PPARA: variants seen among roughly 807,000 people sequenced by gnomAD.
PPARA encodes the protein peroxisome proliferator activated receptor alpha.
A neutral mutation model predicts 42.2 loss-of-function variants in PPARA; 22 were observed. The observed-to-expected ratio is 0.52, with a 90% CI of 0.37 to 0.74. PPARA has a LOEUF of 0.74. PPARA is among the 30% of genes least tolerant of loss of function. The pLI, the probability that PPARA is intolerant of heterozygous loss-of-function variation, is 0.00. For missense variants in PPARA, 465 were observed against 608.2 expected (o/e 0.76, Z 2.48); for synonymous variants, 242 against 239.3 (o/e 1.01, Z -0.10).
In PPARA at chr22:46,180,030, T is replaced by C. The variant is rs2147255749; in HGVS notation, c.-43+3194T>C. Among the ~76,000 whole-genome samples the C allele has an allele frequency of 6.6e-6, 1 of 152,328 alleles. No individual in the cohort carries two copies. Among genetic ancestry groups the C allele is most frequent in the South Asian group, 2.1e-4 (1 of 4,828 alleles). On this transcript the variant is annotated intron_variant, in intron 3 of 8. Transcript: ENST00000407236. This position sits in a 1 kb window ranked among gnomAD's most constrained non-coding sequence, Gnocchi z 4.2. ...GTCCCCATGCTAATGTTCTACAACT[T>C]ACACAGTGGTGGTATGATACCACTA...
rs1248712224 is a variant in PPARA, at chr22:46,224,647, C to T, written c.711+4633C>T. Among the ~76,000 whole-genome samples, 1 of 152,096 alleles carries T rather than the reference C, an allele frequency of 6.6e-6. No homozygotes were observed. Among genetic ancestry groups the T allele is most frequent in the Non-Finnish European group, 1.5e-5 (1 of 68,034 alleles). On this transcript the variant is annotated intron_variant, in intron 7 of 8. Coordinates refer to ENST00000407236, the MANE Select transcript of PPARA (RefSeq NM_005036.6). The surrounding 1 kb of genome is among the most constrained non-coding windows in gnomAD (Gnocchi z 5.7). ...TTCATTTCTGTTTGGGGATGAGAGG[C>T]GGCACAGTAAACTGTCCAGGCCAGT...
At chr22:46,168,126 G>GAGAA (rs1555932382) in intron 2 of PPARA, among the ~76,000 whole-genome samples, 2 of 151,770 alleles carry the variant, frequency 1.3e-5, no homozygotes, top group Non-Finnish European at 1.5e-5. Flanking sequence ...GCTGAAGCAG[G>GAGAA]TGGATCACAA....
chr22:46,234,647 C>T lies in PPARA; in HGVS notation c.1160-486C>T, dbSNP rs11705483. Among the ~76,000 whole-genome samples, 2 of 152,154 alleles carry T rather than the reference C, an allele frequency of 1.3e-5. No homozygotes were observed. Among genetic ancestry groups the T allele is most frequent in the African/African-American group, 4.8e-5 (2 of 41,432 alleles). The stretch of plus-strand genomic sequence containing the variant: ...CCTCCCGAGTATCTGGGATTACAGG[C>T]GTGAGCCACCGTGCCTGGCCTACAA... On this transcript the variant is annotated intron_variant, in intron 8 of 8. Transcript: ENST00000407236. This position sits in a 1 kb window ranked among gnomAD's most constrained non-coding sequence, Gnocchi z 5.8.
At chr22:46,215,087 A>G (rs1934348069) in intron 4 of PPARA, 86 bp from the exon 5 acceptor site, 3 of 1,528,944 alleles carry the variant, frequency 2.0e-6, no homozygotes, top group Admixed American at 3.4e-5. Context: ...GAAGCCTCGT[A>G]TGCGAAATCA....
chr22:46,177,756 T>C (rs1423993448), intron 3 of PPARA, among the ~76,000 whole-genome samples: 1 of 151,844 alleles, frequency 6.6e-6, no homozygotes, highest in African/African-American at 2.4e-5. Context: ...ACCTCAAGCG[T>C]GTACCTGTTG....
intron 2 of PPARA, among the ~76,000 whole-genome samples, chr22:46,157,155 G>T (rs965365645): frequency 2.6e-5 from 4 of 152,206 alleles, no homozygotes; most frequent in Admixed American, 6.5e-5. Context: ...GGGCAGAGAG[G>T]ATGTCTTATT....
In PPARA at chr22:46,183,348, C is replaced by A. The variant is rs1930228971; in HGVS notation, c.-43+6512C>A. 6.6e-6 allele frequency among the ~76,000 whole-genome samples: 1 copy of A among 152,220 alleles called. No individual in the cohort carries two copies. Among genetic ancestry groups the A allele is most frequent in the African/African-American group, 2.4e-5 (1 of 41,450 alleles). On this transcript the variant is annotated intron_variant, in intron 3 of 8. Coordinates refer to ENST00000407236, the MANE Select transcript of PPARA (RefSeq NM_005036.6). The surrounding 1 kb of genome is among the most constrained non-coding windows in gnomAD (Gnocchi z 5.5). ...TACTACATTTTCCCTCATCTCTAAACTTGACTGAAGACTCCAAGAGAGAGT... is the reference window on the plus strand; with the variant it reads ...TACTACATTTTCCCTCATCTCTAAAATTGACTGAAGACTCCAAGAGAGAGT...
rs976325177 is a variant in PPARA, at chr22:46,192,005, C to T, written c.-42-6337C>T. ...ACTTGAACCCGTGAAACGGAAGTTG[C>T]GGTGAGCCGAGATCACGCCACTGTA... On this transcript the variant is annotated intron_variant, in intron 3 of 8. Coordinates refer to ENST00000407236, the MANE Select transcript of PPARA (RefSeq NM_005036.6). This position sits in a 1 kb window ranked among gnomAD's most constrained non-coding sequence, Gnocchi z 4.3. Among the ~76,000 whole-genome samples, 6 of 152,124 alleles carry T rather than the reference C, an allele frequency of 3.9e-5. No individual in the cohort carries two copies. Among genetic ancestry groups the T allele is most frequent in the African/African-American group, 1.4e-4 (6 of 41,412 alleles).
At position 46,190,731 on chromosome 22, in the gene PPARA, CAG is replaced by C. The variant is rs1177004215; in HGVS notation, c.-42-7603_-42-7602del. ...TGCCATTGCACTCCAGCCTGAGTGA[CAG>C]AGAGAGACTCTGTCTCAAAAATAAA... On this transcript the variant is annotated intron_variant, in intron 3 of 8. Coordinates refer to ENST00000407236, the MANE Select transcript of PPARA (RefSeq NM_005036.6). The surrounding 1 kb of genome is among the most constrained non-coding windows in gnomAD (Gnocchi z 5.6). Among the ~76,000 whole-genome samples, 4 of 152,118 alleles carry C rather than the reference CAG, an allele frequency of 2.6e-5. No individual in the cohort carries two copies. The highest frequency in any genetic ancestry group is 5.9e-5 in the Non-Finnish European group (4 of 68,032).
In PPARA at chr22:46,167,677, C is replaced by G. The variant is rs990627354; in HGVS notation, c.-126-9076C>G. ...AAAAAAAGAGTTAAAACTATAAAAC[C>G]TTCAGAAGAAAACATATGAGAAAAT... On this transcript the variant is annotated intron_variant, in intron 2 of 8. Coordinates refer to ENST00000407236, the MANE Select transcript of PPARA (RefSeq NM_005036.6). This position sits in a 1 kb window ranked among gnomAD's most constrained non-coding sequence, Gnocchi z 4.1. 6.6e-6 allele frequency among the ~76,000 whole-genome samples: 1 copy of G among 151,936 alleles called. No homozygotes were observed. The highest frequency in any genetic ancestry group is 6.6e-5 in the Admixed American group (1 of 15,250).
rs893406149 is a variant in PPARA, at chr22:46,233,749, C to A, written c.1160-1384C>A. Reference sequence around the variant, plus strand: ...CAATCCTATGTATATAGAAAAATGTCCAGTGAGATATATGTTAAACCTATT... The same window carrying A: ...CAATCCTATGTATATAGAAAAATGTACAGTGAGATATATGTTAAACCTATT... On this transcript the variant is annotated intron_variant, in intron 8 of 8. Transcript: ENST00000407236. The surrounding 1 kb of genome is among the most constrained non-coding windows in gnomAD (Gnocchi z 7.3). 6.6e-6 allele frequency among the ~76,000 whole-genome samples: 1 copy of A among 151,936 alleles called. No individual in the cohort carries two copies. Among genetic ancestry groups the A allele is most frequent in the African/African-American group, 2.4e-5 (1 of 41,348 alleles).
intron 2 of PPARA, among the ~76,000 whole-genome samples, chr22:46,159,418 TC>T (rs1325776343): frequency 6.6e-6 from 1 of 152,076 alleles, no homozygotes; most frequent in Non-Finnish European, 1.5e-5. Flanking sequence ...GTCGTTTTTT[TC>T]CCCCCACTTT....
Position 46,176,564 on chromosome 22 carries a change from A to G in PPARA, c.-126-189A>G, listed in dbSNP as rs73460641. 4.7e-3 allele frequency among the ~76,000 whole-genome samples: 713 copies of G among 152,290 alleles called. 4 individuals are homozygous for G. The highest frequency in any genetic ancestry group is 0.017 in the African/African-American group (686 of 41,540). ...AGATTATATACTCTGTATGGCTTCAATTCTTTTAAATTTGTTGAGGTTTGT... is the reference window on the plus strand; with the variant it reads ...AGATTATATACTCTGTATGGCTTCAGTTCTTTTAAATTTGTTGAGGTTTGT... On this transcript the variant is annotated intron_variant, in intron 2 of 8. Coordinates refer to ENST00000407236, the MANE Select transcript of PPARA (RefSeq NM_005036.6).
chr22:46,212,943 T>C lies in PPARA; in HGVS notation c.209-2230T>C, dbSNP rs1934080949. Among the ~76,000 whole-genome samples, 2 of 152,130 alleles carry C rather than the reference T, an allele frequency of 1.3e-5. No homozygotes were observed. The highest frequency in any genetic ancestry group is 4.8e-5 in the African/African-American group (2 of 41,410). Reference sequence around the variant, plus strand: ...CCTGGAGGCAGAGGTTGCAGTGAGCTGAGATCGTGCCACTCCACTCCAGCC... The same window carrying C: ...CCTGGAGGCAGAGGTTGCAGTGAGCCGAGATCGTGCCACTCCACTCCAGCC... On this transcript the variant is annotated intron_variant, in intron 4 of 8. Transcript: ENST00000407236. This position sits in a 1 kb window ranked among gnomAD's most constrained non-coding sequence, Gnocchi z 4.2.
At position 46,232,223 on chromosome 22, in the gene PPARA, T is replaced by C; in HGVS notation, c.1143T>C (p.Ala381=). The change falls in exon 8 of 9, where the codon GCT becomes GCC. Residue 381 remains alanine (A), a synonymous_variant. Coordinates refer to ENST00000407236, the MANE Select transcript of PPARA (RefSeq NM_005036.6). This position sits in a 1 kb window ranked among gnomAD's most constrained non-coding sequence, Gnocchi z 5.3. ...GTGATATCTCCCTTTTTGTGGCTGC[T>C]ATCATTTGCTGTGGAGGTGAGTGGT... ...DDSDISLFVA[A]IICCGDRPGL... The C allele has an allele frequency of 6.2e-7, 1 of 1,614,156 alleles. No individual in the cohort carries two copies. Among genetic ancestry groups the C allele is most frequent in the African/African-American group, 1.3e-5 (1 of 75,052 alleles).
rs1044916839 is a variant in PPARA at position 46,224,113 on chromosome 22, C to G, written c.711+4099C>G. On this transcript the variant is annotated intron_variant, in intron 7 of 8. Coordinates refer to ENST00000407236, the MANE Select transcript of PPARA (RefSeq NM_005036.6). This position sits in a 1 kb window ranked among gnomAD's most constrained non-coding sequence, Gnocchi z 5.7. ...GCACCGCAGGTACCAGTTTTCAAGG[C>G]AACCTCCAACCATCATGTGACTCTT... Among the ~76,000 whole-genome samples the G allele has an allele frequency of 2.6e-5, 4 of 152,186 alleles. No homozygotes were observed. Among genetic ancestry groups the G allele is most frequent in the Non-Finnish European group, 4.4e-5 (3 of 68,036 alleles).
In PPARA at chr22:46,234,055, C is replaced by A. The variant is rs191929747; in HGVS notation, c.1160-1078C>A. 6.6e-6 allele frequency among the ~76,000 whole-genome samples: 1 copy of A among 152,048 alleles called. No homozygotes were observed. Among genetic ancestry groups the A allele is most frequent in the Admixed American group, 6.6e-5 (1 of 15,266 alleles). On this transcript the variant is annotated intron_variant, in intron 8 of 8. Transcript: ENST00000407236. This position sits in a 1 kb window ranked among gnomAD's most constrained non-coding sequence, Gnocchi z 5.8. ...GCCAGGCTGGTCTCAAACTCCTGAC[C>A]CCGGGTGACCCACCCACCTCGGCCT...
intron 5 of PPARA, 84 bp from the exon 6 acceptor site, chr22:46,218,179 G>A: frequency 1.3e-6 from 2 of 1,533,064 alleles, no homozygotes; most frequent in Non-Finnish European, 1.8e-6. Flanking sequence ...AACAATAAAT[G>A]AGCAACAAAA....
chr22:46,219,179 A>C lies in PPARA; in HGVS notation c.509-633A>C, dbSNP rs1239368341. 6.6e-6 allele frequency among the ~76,000 whole-genome samples: 1 copy of C among 152,156 alleles called. No homozygotes were observed. The highest frequency in any genetic ancestry group is 1.5e-5 in the Non-Finnish European group (1 of 68,024). ...TCCGTCTCAAAAAAAAAGAAAAAAA[A>C]AGAAAAAGTCTCAAATAGCTGAGAT... is the stretch of plus-strand genomic sequence containing the variant. On this transcript the variant is annotated intron_variant, in intron 6 of 8. Transcript: ENST00000407236. This position sits in a 1 kb window ranked among gnomAD's most constrained non-coding sequence, Gnocchi z 4.8.
Sources: gnomAD v4.1 joint callset for allele counts (sites outside exome capture counted in the v4.1 genomes callset) on GRCh38, gnomAD v4.1.1 for gene constraint, Gnocchi (gnomAD v3.1) non-coding constraint, MANE v1.5 for transcripts, NCBI Gene and HGNC (gene_info 2026-07-23, HGNC 2026-07-21) for gene names.